The following VPS26A variants were observed in gnomAD, a reference collection of about 807,000 sequenced individuals.
VPS26A encodes vacuolar protein sorting-associated protein 26A.
In VPS26A, 22 loss-of-function variants were observed where a neutral mutation model predicts 42.4. The observed-to-expected ratio is 0.52, with a 90% CI of 0.37 to 0.74. The LOEUF is 0.74. Among genes scored for constraint, VPS26A ranks in the 30% least tolerant of loss-of-function variants. VPS26A has a pLI of 0.00. For missense variants in VPS26A, 276 were observed against 379.2 expected, an observed-to-expected ratio of 0.73 and a Z score of 2.26; for synonymous variants, 110 against 123.5, an observed-to-expected ratio of 0.89 and a Z score of 0.73.
At chr10:69,163,794 C>G (rs1384547666) in intron 6 of VPS26A, among the ~76,000 whole-genome samples, 1 of 137,156 alleles carries the variant, frequency 7.3e-6, no homozygotes, top group Non-Finnish European at 1.5e-5. Flanking sequence ...GAGACGGAGT[C>G]TCGCTCTGTG....
chr10:69,142,391 G>C (rs551313366), intron 2 of VPS26A, among the ~76,000 whole-genome samples: 71 of 150,384 alleles, frequency 4.7e-4, no homozygotes, highest in African/African-American at 1.7e-3. Flanking sequence ...ATAGGGTCTT[G>C]TTGTGTTGCC....
At chr10:69,148,316 A>G (rs1343695550) in intron 2 of VPS26A, among the ~76,000 whole-genome samples, 1 of 152,152 alleles carries the variant, frequency 6.6e-6, no homozygotes, top group Non-Finnish European at 1.5e-5. Flanking sequence ...TACTATTGAC[A>G]AGCCACTTAG....
chr10:69,158,308 A>C, intron 5 of VPS26A, 97 bp downstream of exon 5: 1 of 1,045,948 alleles, frequency 9.6e-7, no homozygotes, highest in Non-Finnish European at 1.3e-6. Flanking sequence ...AATTGACATT[A>C]ATCTGATGTT....
At chr10:69,156,038 A>G (rs757186974) in intron 3 of VPS26A, 151 bp downstream of exon 3, 18 of 608,268 alleles carry the variant, frequency 3.0e-5, no homozygotes, top group Non-Finnish European at 4.5e-5. Flanking sequence ...CTTTATAACT[A>G]TATTAAATTG....
intron 2 of VPS26A, 41 bp downstream of exon 2, chr10:69,133,088 T>G (rs762758958): frequency 6.3e-7 from 1 of 1,581,984 alleles, no homozygotes; most frequent in Admixed American, 1.9e-5. Flanking sequence ...TTGTAAGATA[T>G]CAGAATTAGT....
chr10:69,137,869 A>G (rs184001918), intron 2 of VPS26A, among the ~76,000 whole-genome samples: 266 of 150,882 alleles, frequency 1.8e-3, no homozygotes, highest in Non-Finnish European at 3.0e-3. Context: ...TGAGATATAT[A>G]TATATATATA....
chr10:69,131,566 C>A (rs568963457), intron 1 of VPS26A, among the ~76,000 whole-genome samples: 3 of 152,296 alleles, frequency 2.0e-5, no homozygotes, highest in Admixed American at 6.5e-5. Context: ...AACCCTGTCT[C>A]TACTAAAAAT....
intron 7 of VPS26A, among the ~76,000 whole-genome samples, chr10:69,167,533 C>T (rs546807337): frequency 2.0e-4 from 31 of 151,676 alleles, no homozygotes; most frequent in Admixed American, 2.0e-4. Flanking sequence ...GTCAGGAGTT[C>T]GAGACTGGTC....
chr10:69,139,063 A>G (rs9804366), intron 2 of VPS26A, among the ~76,000 whole-genome samples: 6,345 of 152,212 alleles, frequency 0.042, 466 homozygotes, highest in African/African-American at 0.14. Flanking sequence ...GGTTTTATAA[A>G]TAACTGTTCA....
At chr10:69,168,455 C>T (rs773335762) in intron 7 of VPS26A, 34 bp from the exon 8 acceptor site, 4 of 1,600,800 alleles carry the variant, frequency 2.5e-6, no homozygotes, top group Non-Finnish European at 3.4e-6. Context: ...ATTTAATCAT[C>T]TTTAGAATTA....
chr10:69,140,475 C>T lies in VPS26A; in HGVS notation c.153+7428C>T, dbSNP rs541405759. Among the ~76,000 whole-genome samples, 118 of 152,240 alleles carry T rather than the reference C, an allele frequency of 7.8e-4. 1 individual carries two copies. The highest frequency in any genetic ancestry group is 2.7e-3 in the African/African-American group (111 of 41,544). ...GCAACCTCCGTCTCCCAGGCTAAAG[C>T]GATCTTCCCATCTCTGCCTCCTGAG... On this transcript the variant is annotated intron_variant, in intron 2 of 8. Coordinates refer to ENST00000263559, the MANE Select transcript of VPS26A (RefSeq NM_004896.5).
intron 1 of VPS26A, among the ~76,000 whole-genome samples, chr10:69,129,749 T>C (rs1840738752): frequency 6.6e-6 from 1 of 152,140 alleles, no homozygotes; most frequent in Non-Finnish European, 1.5e-5. Context: ...GGTCTCGAAC[T>C]CCTGACCTTG....
intron 1 of VPS26A, among the ~76,000 whole-genome samples, chr10:69,128,918 G>C (rs1209282803): frequency 7.1e-6 from 1 of 141,064 alleles, no homozygotes; most frequent in East Asian, 2.1e-4. Flanking sequence ...GCTTGCTTGA[G>C]CCCATGAGGC....
chr10:69,152,008 CT>C (rs909813138), intron 2 of VPS26A, among the ~76,000 whole-genome samples: 62 of 150,274 alleles, frequency 4.1e-4, no homozygotes, highest in Non-Finnish European at 7.0e-4. Flanking sequence ...TATTTTTTGC[CT>C]TTTTTTTTAA....
chr10:69,157,322 T>C (rs1436594427), intron 4 of VPS26A, among the ~76,000 whole-genome samples, 159 bp downstream of exon 4: 2 of 152,220 alleles, frequency 1.3e-5, no homozygotes, highest in African/African-American at 4.8e-5. Context: ...TTTGAGGTAA[T>C]AGAGCGTTCT....
intron 6 of VPS26A, among the ~76,000 whole-genome samples, chr10:69,163,766 CTTTTTT>C (rs869154106): frequency 1.5e-5 from 2 of 133,612 alleles, no homozygotes; most frequent in African/African-American, 5.6e-5. Context: ...TTTCAGTTTT[CTTTTTT>C]TTTTTTTTTT....
At chr10:69,161,166 C>T (rs1178536845) in intron 5 of VPS26A, among the ~76,000 whole-genome samples, 1 of 152,034 alleles carries the variant, frequency 6.6e-6, no homozygotes, top group Non-Finnish European at 1.5e-5. Context: ...CTCAAATTAT[C>T]ATCTCACCTC....
intron 1 of VPS26A, among the ~76,000 whole-genome samples, chr10:69,129,645 G>A (rs1840735736): frequency 6.6e-6 from 1 of 151,790 alleles, no homozygotes; most frequent in Non-Finnish European, 1.5e-5. Context: ...CCTCCTGGGT[G>A]CAAGTGATTC....
chr10:69,159,436 G>A (rs771671918), intron 5 of VPS26A, among the ~76,000 whole-genome samples: 1 of 151,380 alleles, frequency 6.6e-6, no homozygotes, highest in African/African-American at 2.4e-5. Context: ...CTCCAGAAGC[G>A]TGTCCATGAT....
Sources: allele counts gnomAD v4.1 joint callset (sites outside exome capture counted in the v4.1 genomes callset), GRCh38; gene constraint gnomAD v4.1.1; transcripts MANE v1.5; gene names NCBI Gene and HGNC (gene_info 2026-07-23, HGNC 2026-07-21).